KCNT2: variants seen among roughly 807,000 people sequenced by gnomAD.
The protein encoded by KCNT2 is potassium sodium-activated channel subfamily T member 2.
Under a neutral mutation model 153.8 loss-of-function variants are expected in KCNT2, and 67 were observed. The observed-to-expected ratio is 0.44, with a 90% CI of 0.36 to 0.53. The LOEUF (loss-of-function observed/expected upper bound fraction) is 0.53. Among genes scored for constraint, KCNT2 ranks in the 20% least tolerant of loss-of-function variants. The probability of loss-of-function intolerance (pLI) is 0.00; values close to 1 mark genes in which losing one functional copy is unlikely to be tolerated. For synonymous variants in KCNT2, 500 were observed against 458.8 expected, an observed-to-expected ratio of 1.09 and a Z score of -1.15; for missense variants, 975 against 1,354.8, an observed-to-expected ratio of 0.72 and a Z score of 4.40.
chr1:196,461,592 G>A (rs1315243019), intron 8 of KCNT2, among the ~76,000 whole-genome samples: 3 of 151,778 alleles, frequency 2.0e-5, no homozygotes, highest in Non-Finnish European at 4.4e-5. Context: ...GTTAGAATAT[G>A]TTGATAATTA....
intron 8 of KCNT2, among the ~76,000 whole-genome samples, chr1:196,434,728 G>C (rs1674468220): frequency 6.6e-6 from 1 of 151,902 alleles, no homozygotes; most frequent in Non-Finnish European, 1.5e-5. Flanking sequence ...CTGGACTAAT[G>C]ACTTGCTTTG....
chr1:196,353,055 T>C (rs1324633034), intron 14 of KCNT2, among the ~76,000 whole-genome samples: 1 of 152,090 alleles, frequency 6.6e-6, no homozygotes, highest in African/African-American at 2.4e-5. Context: ...GATTGCACTG[T>C]GGTCTTTTTA....
At chr1:196,228,381 G>T (rs748151620) in intron 27 of KCNT2, 46 bp from the exon 28 acceptor site, 2 of 963,086 alleles carry the variant, frequency 2.1e-6, no homozygotes, top group East Asian at 5.0e-5. Context: ...AGTAAATACA[G>T]GCAACATTAA....
chr1:196,237,007 A>T (rs1654502037), intron 26 of KCNT2, among the ~76,000 whole-genome samples: 1 of 151,664 alleles, frequency 6.6e-6, no homozygotes. Flanking sequence ...GCAGTTGCAG[A>T]CAAGAATGGC....
At chr1:196,491,996 CCACTCAGAAGTCTACTTATTAA>C (rs1396909809) in intron 2 of KCNT2, among the ~76,000 whole-genome samples, 1 of 151,966 alleles carries the variant, frequency 6.6e-6, no homozygotes, top group Non-Finnish European at 1.5e-5. Flanking sequence ...TCCAGATAGT[CCACTCAGAAGTCTACTTATTAA>C]CATGGAATTT....
At chr1:196,589,251 A>C (rs1473236435) in intron 1 of KCNT2, among the ~76,000 whole-genome samples, 2 of 81,886 alleles carry the variant, frequency 2.4e-5, no homozygotes, top group Admixed American at 1.9e-4. Context: ...AAGTCACTAT[A>C]TATATAAAAA....
chr1:196,355,468 T>C (rs766090033), intron 14 of KCNT2, among the ~76,000 whole-genome samples: 1 of 151,712 alleles, frequency 6.6e-6, no homozygotes, highest in Non-Finnish European at 1.5e-5. Context: ...AAATGCTAAA[T>C]AGTTTTCAAG....
At chr1:196,515,932 A>T (rs1224358356) in intron 1 of KCNT2, among the ~76,000 whole-genome samples, 1 of 152,092 alleles carries the variant, frequency 6.6e-6, no homozygotes, top group Non-Finnish European at 1.5e-5. Context: ...AGATCAGGAG[A>T]TCCCCTGGTG....
At chr1:196,603,238 A>T (rs544580434) in intron 1 of KCNT2, among the ~76,000 whole-genome samples, 1 of 152,304 alleles carries the variant, frequency 6.6e-6, no homozygotes, top group East Asian at 1.9e-4. Flanking sequence ...ATTTTTGTAG[A>T]TATTGTATAT....
intron 13 of KCNT2, among the ~76,000 whole-genome samples, chr1:196,397,708 GT>G: frequency 6.6e-6 from 1 of 151,484 alleles, no homozygotes; most frequent in Non-Finnish European, 1.5e-5. Flanking sequence ...AAATTCCCTA[GT>G]ATTTACAATT....
At position 196,227,438 on chromosome 1, in the gene KCNT2, A is replaced by C. The variant is rs182653305; in HGVS notation, c.*786T>G. The C allele has an allele frequency of 6.6e-6, 1 of 152,146 alleles. No homozygotes were observed. Among genetic ancestry groups the C allele is most frequent in the African/African-American group, 2.4e-5 (1 of 41,564 alleles). The allele number at this position is 152,146 out of a possible 1,614,324, so 9.4% of individuals were successfully genotyped here. On this transcript the variant is annotated 3_prime_UTR_variant, in exon 28 of 28. Transcript: ENST00000294725. ...CCTTGAATTAAATTTAAGTCAACAA[A>C]TGTGTATTAAGTATTTTCTCTATGC...
chr1:196,411,405 G>A (rs542907552), intron 12 of KCNT2, among the ~76,000 whole-genome samples: 2 of 143,026 alleles, frequency 1.4e-5, no homozygotes, highest in Non-Finnish European at 3.0e-5. Flanking sequence ...GATCTTTTGT[G>A]GTGCTATAAT....
At chr1:196,478,731 C>G (rs1224189878) in intron 5 of KCNT2, among the ~76,000 whole-genome samples, 1 of 152,086 alleles carries the variant, frequency 6.6e-6, no homozygotes, top group Non-Finnish European at 1.5e-5. Context: ...AAAAAAGAAT[C>G]ATGTGAACTA....
intron 21 of KCNT2, among the ~76,000 whole-genome samples, chr1:196,313,793 G>T (rs2148011867): frequency 6.6e-6 from 1 of 151,588 alleles, no homozygotes; most frequent in African/African-American, 2.4e-5. Context: ...TTTGCAATTT[G>T]GGTTTTTAAT....
intron 1 of KCNT2, among the ~76,000 whole-genome samples, chr1:196,542,584 G>T (rs1224109383): frequency 2.0e-5 from 3 of 152,028 alleles, no homozygotes; most frequent in Admixed American, 6.6e-5. Flanking sequence ...CATCCTCAAA[G>T]AACTAGGCAT....
chr1:196,349,974 T>C (rs1177459081), intron 14 of KCNT2, among the ~76,000 whole-genome samples: 2 of 152,122 alleles, frequency 1.3e-5, no homozygotes, highest in African/African-American at 4.8e-5. Flanking sequence ...TTTTTGTCCT[T>C]GCGATAGTTT....
intron 26 of KCNT2, among the ~76,000 whole-genome samples, chr1:196,243,009 A>G (rs567317544): frequency 1.3e-5 from 2 of 152,190 alleles, no homozygotes; most frequent in Admixed American, 1.3e-4. Context: ...TACTACCATA[A>G]TTATGATGTC....
chr1:196,603,645 A>G (rs1461289528), intron 1 of KCNT2, among the ~76,000 whole-genome samples: 1 of 152,212 alleles, frequency 6.6e-6, no homozygotes, highest in Non-Finnish European at 1.5e-5. Flanking sequence ...GCATTAGTTG[A>G]CTTCCTTGAA....
intron 26 of KCNT2, chr1:196,257,199 C>G: frequency 1.0e-6 from 1 of 975,058 alleles, no homozygotes; most frequent in Non-Finnish European, 1.2e-6. Context: ...CATAAAGCAC[C>G]TAGCATAGTT....
Sources: gnomAD v4.1 joint callset for allele counts (sites outside exome capture counted in the v4.1 genomes callset) on GRCh38, gnomAD v4.1.1 for gene constraint, MANE v1.5 for transcripts, NCBI Gene and HGNC (gene_info 2026-07-23, HGNC 2026-07-21) for gene names.